NEDD4L: variants seen among roughly 807,000 people sequenced by gnomAD.
NEDD4L encodes NEDD4 like E3 ubiquitin protein ligase, also known as E3 ubiquitin-protein ligase NEDD4-like.
In NEDD4L, 54 loss-of-function variants were observed where a neutral mutation model predicts 148.9. The observed-to-expected ratio is 0.36, with a 90% CI of 0.29 to 0.45. The LOEUF is 0.45. Ranked by LOEUF, NEDD4L falls within the 20% of genes least tolerant of loss-of-function variation. NEDD4L has a pLI of 1.00. For synonymous variants in NEDD4L, 433 were observed against 440.7 expected, an observed-to-expected ratio of 0.98 and a Z score of 0.22; for missense variants, 856 against 1,233.8, an observed-to-expected ratio of 0.69 and a Z score of 4.59.
At chr18:58,146,390 C>T (rs151307112) in intron 1 of NEDD4L, among the ~76,000 whole-genome samples, 18 of 152,166 alleles carry the variant, frequency 1.2e-4, no homozygotes, top group African/African-American at 4.3e-4. Context: ...GTGTGGACCA[C>T]GGTGATCCAG....
intron 2 of NEDD4L, among the ~76,000 whole-genome samples, chr18:58,210,535 G>C (rs957561539): frequency 6.6e-6 from 1 of 151,936 alleles, no homozygotes; most frequent in East Asian, 1.9e-4. Context: ...TGCAACCTCC[G>C]CCTCCCAGGT....
chr18:58,337,426 G>A (rs1009811919), intron 13 of NEDD4L, among the ~76,000 whole-genome samples: 4 of 151,892 alleles, frequency 2.6e-5, no homozygotes, highest in Admixed American at 2.6e-4. Context: ...TCCCTCTTTG[G>A]CATCCCCTCT....
intron 2 of NEDD4L, among the ~76,000 whole-genome samples, chr18:58,173,640 C>T (rs1456063571): frequency 1.3e-5 from 2 of 152,190 alleles, no homozygotes; most frequent in Admixed American, 1.3e-4. Flanking sequence ...TTTGCTCCAT[C>T]TCTTTTTTTC....
At position 58,388,811 on chromosome 18, in the gene NEDD4L, G is replaced by C. The variant is rs148415412; in HGVS notation, c.2548-274G>C. On this transcript the variant is annotated intron_variant, in intron 27 of 30. Coordinates refer to ENST00000400345, the MANE Select transcript of NEDD4L (RefSeq NM_001144967.3). ...CAGGTCCCATGCGTAAGACTAGAGG[G>C]GTAGGGAGGACGACTGTGGCATTTT... 883 of 448,574 alleles carry C rather than the reference G, an allele frequency of 2.0e-3. 5 individuals carry two copies. Among genetic ancestry groups the C allele is most frequent in the African/African-American group, 0.016 (795 of 50,602 alleles). 27.8% of individuals were successfully genotyped at this position (448,574 alleles called of 1,614,324 possible). A position where few individuals can be genotyped will look rare whatever the true frequency, so the allele number is the denominator to read the frequency against.
At chr18:58,144,746 T>C (rs547710490) in intron 1 of NEDD4L, among the ~76,000 whole-genome samples, 3 of 152,218 alleles carry the variant, frequency 2.0e-5, no homozygotes, top group African/African-American at 7.2e-5. Flanking sequence ...GCACAGTTCA[T>C]GTTTTAGTGT....
intron 5 of NEDD4L, among the ~76,000 whole-genome samples, chr18:58,269,691 A>G (rs1187013682): frequency 6.6e-6 from 1 of 152,092 alleles, no homozygotes; most frequent in Middle Eastern, 3.2e-3. Context: ...AGAAAAACTG[A>G]TTTAAGAAGT....
chr18:58,144,605 A>C (rs1323453120), intron 1 of NEDD4L, among the ~76,000 whole-genome samples: 1 of 152,208 alleles, frequency 6.6e-6, no homozygotes, highest in Non-Finnish European at 1.5e-5. Context: ...CATTTTGTCT[A>C]CTGTATTTTA....
At chr18:58,050,919 C>G (rs1420508900) in intron 1 of NEDD4L, among the ~76,000 whole-genome samples, 3 of 152,156 alleles carry the variant, frequency 2.0e-5, no homozygotes, top group Non-Finnish European at 4.4e-5. Flanking sequence ...AGTGTGTGCC[C>G]ACATCACCAG....
intron 5 of NEDD4L, among the ~76,000 whole-genome samples, chr18:58,281,146 CT>C (rs2053006712): frequency 6.6e-6 from 1 of 151,496 alleles, no homozygotes; most frequent in South Asian, 2.1e-4. Context: ...CCCAGCTAAT[CT>C]TTTATTTTTT....
intron 24 of NEDD4L, among the ~76,000 whole-genome samples, chr18:58,374,911 A>G (rs565886876): frequency 6.6e-6 from 1 of 152,044 alleles, no homozygotes; most frequent in African/African-American, 2.4e-5. Context: ...GCTCACCACC[A>G]GCCTCTTATC....
chr18:58,335,386 C>A, intron 12 of NEDD4L, 92 bp from the exon 13 acceptor site: 1 of 1,032,940 alleles, frequency 9.7e-7, no homozygotes, highest in Non-Finnish European at 1.5e-6. Flanking sequence ...ACGTCACCTG[C>A]CTTACAGCGC....
chr18:58,055,563 G>A (rs2144582282), intron 1 of NEDD4L, among the ~76,000 whole-genome samples: 1 of 152,304 alleles, frequency 6.6e-6, no homozygotes, highest in East Asian at 1.9e-4. Flanking sequence ...TTGTTCAGTG[G>A]AACACTTATT....
chr18:58,274,949 C>A (rs1190238510), intron 5 of NEDD4L, among the ~76,000 whole-genome samples: 1 of 152,188 alleles, frequency 6.6e-6, no homozygotes, highest in Non-Finnish European at 1.5e-5. Flanking sequence ...AAAACGAAAT[C>A]TGCTATTGTA....
chr18:58,363,641 G>T (rs1456221722), intron 19 of NEDD4L, among the ~76,000 whole-genome samples: 1 of 152,062 alleles, frequency 6.6e-6, no homozygotes, highest in Non-Finnish European at 1.5e-5. Context: ...CCCTCAACTG[G>T]GGTACTATCA....
chr18:58,363,811 T>G (rs1225236739), intron 19 of NEDD4L, among the ~76,000 whole-genome samples: 1 of 152,204 alleles, frequency 6.6e-6, no homozygotes, highest in African/African-American at 2.4e-5. Context: ...TCACTTCCCT[T>G]TCTGCTCGTT....
chr18:58,076,567 G>A (rs550448355), intron 1 of NEDD4L, among the ~76,000 whole-genome samples: 8 of 152,218 alleles, frequency 5.3e-5, no homozygotes, highest in African/African-American at 1.9e-4. Context: ...TCCTGTTTGA[G>A]GTTTGGATCC....
At chr18:58,132,810 TTTTG>T (rs2032341953) in intron 1 of NEDD4L, among the ~76,000 whole-genome samples, 3 of 152,158 alleles carry the variant, frequency 2.0e-5, no homozygotes, top group African/African-American at 7.2e-5. Context: ...CATGACAATA[TTTTG>T]TTTAAGAAAA....
Position 58,066,387 on chromosome 18 carries a change from G to GTTTTTTTT in NEDD4L, c.48+21695_48+21702dup, listed in dbSNP as rs368243667. ...GTAAATTTAGATCCACTCTGTATTAGTTTTTTTTTTTTTTTTTTTTTTTAA... is the reference window on the plus strand; with the variant it reads ...GTAAATTTAGATCCACTCTGTATTAGTTTTTTTTTTTTTTTTTTTTTTTTTTTTTTTAA... On this transcript the variant is annotated intron_variant, in intron 1 of 30. Coordinates refer to ENST00000400345, the MANE Select transcript of NEDD4L (RefSeq NM_001144967.3). Among the ~76,000 whole-genome samples, 88 of 112,116 alleles carry GTTTTTTTT rather than the reference G, an allele frequency of 7.8e-4. 4 individuals carry two copies. Among genetic ancestry groups the GTTTTTTTT allele is most frequent in the Middle Eastern group, 8.1e-3 (1 of 124 alleles). 73.6% of individuals were successfully genotyped at this position (112,116 alleles called of 152,430 possible). A position where few individuals can be genotyped will look rare whatever the true frequency, so the allele number is the denominator to read the frequency against.
At chr18:58,125,363 G>A in intron 1 of NEDD4L, among the ~76,000 whole-genome samples, 1 of 149,788 alleles carries the variant, frequency 6.7e-6, no homozygotes, top group South Asian at 2.1e-4. Flanking sequence ...AGGAGGGTGT[G>A]TGTGTGTGTG....
Sources: allele counts gnomAD v4.1 joint callset (sites outside exome capture counted in the v4.1 genomes callset), GRCh38; gene constraint gnomAD v4.1.1; transcripts MANE v1.5; gene names NCBI Gene and HGNC (gene_info 2026-07-23, HGNC 2026-07-21).